CNNM2: variants seen among roughly 807,000 people sequenced by gnomAD.
CNNM2 encodes metal transporter CNNM2.
A neutral mutation model predicts 66.9 loss-of-function variants in CNNM2; 12 were observed. That is an observed-to-expected ratio of 0.18 (90% CI 0.11 to 0.29). The LOEUF (loss-of-function observed/expected upper bound fraction) is 0.29, where lower values mean the gene tolerates loss of function less well. Among genes scored for constraint, CNNM2 ranks in the 10% least tolerant of loss-of-function variants. The probability of loss-of-function intolerance (pLI) is 1.00; values close to 1 mark genes in which losing one functional copy is unlikely to be tolerated. For synonymous variants in CNNM2, 557 were observed against 501.8 expected (o/e 1.11, Z -1.47); for missense variants, 705 against 1,167.7 (o/e 0.60, Z 5.77).
intron 1 of CNNM2, among the ~76,000 whole-genome samples, chr10:102,998,588 A>G (rs765835364): frequency 7.9e-5 from 12 of 152,206 alleles, no homozygotes; most frequent in African/African-American, 2.9e-4. Flanking sequence ...CTTCGAAGGG[A>G]TAAGGTAAAC....
intron 1 of CNNM2, among the ~76,000 whole-genome samples, chr10:102,969,653 G>GT (rs2063520316): frequency 6.6e-6 from 1 of 151,986 alleles, no homozygotes; most frequent in Non-Finnish European, 1.5e-5. Flanking sequence ...TGTTTTGTTT[G>GT]TTTTCTTGAG....
rs1379315751 is a variant in CNNM2, at chr10:103,082,468, C to A, written c.*5288C>A. On this transcript the variant is annotated 3_prime_UTR_variant, in exon 8 of 8. Transcript: ENST00000369878. ...TCATTACTCCCCAAGTCTGAATCTA[C>A]TGTGAAGGTGAAGTTATCAATTTTT... 1 of 152,234 alleles carries A rather than the reference C, an allele frequency of 6.6e-6. No homozygotes were observed. Among genetic ancestry groups the A allele is most frequent in the Non-Finnish European group, 1.5e-5 (1 of 68,034 alleles). 9.4% of individuals were successfully genotyped at this position (152,234 alleles called of 1,614,324 possible). A position where few individuals can be genotyped will look rare whatever the true frequency, so the allele number is the denominator to read the frequency against.
intron 4 of CNNM2, among the ~76,000 whole-genome samples, chr10:103,059,409 A>G (rs1328439549): frequency 1.3e-5 from 2 of 152,274 alleles, no homozygotes; most frequent in South Asian, 2.1e-4. Context: ...AATTGTAAAT[A>G]GAAACACATC....
At chr10:102,956,156 C>T (rs1342609865) in intron 1 of CNNM2, among the ~76,000 whole-genome samples, 3 of 151,988 alleles carry the variant, frequency 2.0e-5, no homozygotes, top group Non-Finnish European at 2.9e-5. Context: ...GGCGTGGTGG[C>T]GGGCGCCTGT....
At position 103,054,291 on chromosome 10, in the gene CNNM2, C is replaced by T. The variant is rs758153202; in HGVS notation, c.1766-38C>T. 6.9e-6 allele frequency: 11 copies of T among 1,604,092 alleles called. No individual in the cohort carries two copies. In the East Asian group the frequency reaches 2.5e-4, roughly 36 times the overall value. ...AAAAGAGCCCTCATCTCATGGGATG[C>T]ATTTCTTTTTTTTTCTCTCTTTTAA... is the stretch of plus-strand genomic sequence containing the variant. On this transcript the variant is annotated intron_variant, in intron 2 of 7. Transcript: ENST00000369878. The surrounding 1 kb of genome is among the most constrained non-coding windows in gnomAD (Gnocchi z 5.2).
At chr10:103,029,914 A>G (rs2064791581) in intron 1 of CNNM2, among the ~76,000 whole-genome samples, 1 of 152,100 alleles carries the variant, frequency 6.6e-6, no homozygotes, top group African/African-American at 2.4e-5. Context: ...TTATTAATAC[A>G]GGGTAATAAG....
At chr10:103,052,636 C>T (rs983714591) in intron 2 of CNNM2, among the ~76,000 whole-genome samples, 4 of 151,942 alleles carry the variant, frequency 2.6e-5, no homozygotes. Context: ...GCCTCAGCCT[C>T]CTGAGTAGCT....
intron 1 of CNNM2, among the ~76,000 whole-genome samples, chr10:103,022,173 T>C (rs918313338): frequency 3.3e-5 from 5 of 152,238 alleles, no homozygotes; most frequent in Non-Finnish European, 5.9e-5. Context: ...TGGAACTTTT[T>C]CTTAGGGTTT....
intron 1 of CNNM2, among the ~76,000 whole-genome samples, chr10:102,953,166 A>G (rs1449607957): frequency 2.0e-5 from 3 of 152,234 alleles, no homozygotes; most frequent in Admixed American, 1.3e-4. Flanking sequence ...TTAAAAAATC[A>G]AAAGTGCTGG....
chr10:102,975,627 G>C (rs1162840589), intron 1 of CNNM2, among the ~76,000 whole-genome samples: 1 of 152,128 alleles, frequency 6.6e-6, no homozygotes, highest in Non-Finnish European at 1.5e-5. Context: ...AAATTGCCAA[G>C]TATGTCAAAA....
At chr10:102,944,084 CTT>C (rs199757273) in intron 1 of CNNM2, among the ~76,000 whole-genome samples, 17 of 135,236 alleles carry the variant, frequency 1.3e-4, no homozygotes, top group Non-Finnish European at 8.0e-5. Context: ...TTTCATAATT[CTT>C]TTTTTTTTTT....
chr10:102,927,561 A>AT, intron 1 of CNNM2: 1 of 1,117,554 alleles, frequency 8.9e-7, no homozygotes. Flanking sequence ...GGAGTTCCAG[A>AT]CTGACAGTCT....
chr10:103,076,207 G>A lies in CNNM2; in HGVS notation c.2355G>A (p.Ser785=), dbSNP rs189582508. 56 of 1,588,580 alleles carry A rather than the reference G, an allele frequency of 3.5e-5. No homozygotes were observed. In the South Asian group the frequency reaches 4.2e-4, roughly 12 times the overall value. The part of the protein sequence containing the change: ...LGSSNNQLNS[S]LLQVYIPDYS... ...GCAGCAATAACCAGCTCAATTCTTC[G>A]CTCCTCCAAGTCTACATCCCCGATT... The change falls in exon 7 of 8, where the codon TCG becomes TCA. Residue 785 remains serine (S), a synonymous_variant. Transcript: ENST00000369878.
intron 1 of CNNM2, among the ~76,000 whole-genome samples, chr10:102,997,882 A>G (rs1247531017): frequency 3.3e-5 from 5 of 152,194 alleles, no homozygotes; most frequent in African/African-American, 1.2e-4. Flanking sequence ...TAGCAACTCT[A>G]AACATTGCAA....
chr10:102,930,576 C>G (rs1370514991), intron 1 of CNNM2, among the ~76,000 whole-genome samples: 1 of 152,162 alleles, frequency 6.6e-6, no homozygotes, highest in Non-Finnish European at 1.5e-5. Flanking sequence ...TATCTTAAAA[C>G]TCACCCTTTT....
At chr10:102,942,220 C>T (rs557244508) in intron 1 of CNNM2, among the ~76,000 whole-genome samples, 2 of 152,260 alleles carry the variant, frequency 1.3e-5, no homozygotes, top group East Asian at 1.9e-4. Context: ...CTCAAGTATA[C>T]GATTCAGTAG....
At position 103,068,824 on chromosome 10, in the gene CNNM2, C is replaced by G; in HGVS notation, c.2167+102C>G. ...TGTATCTGCCAGCTGACCCCATTCA[C>G]TTCCTTTTTGAACTTTTTTTTTGAA... On this transcript the variant is annotated intron_variant, in intron 5 of 7. Coordinates refer to ENST00000369878, the MANE Select transcript of CNNM2 (RefSeq NM_017649.5). 3 of 935,716 alleles carry G rather than the reference C, an allele frequency of 3.2e-6. No homozygotes were observed. The South Asian group carries it at 5.2e-5, about 16-fold the overall frequency. The allele number at this position is 935,716 out of a possible 1,614,324, so 58.0% of individuals were successfully genotyped here. A position where few individuals can be genotyped will look rare whatever the true frequency, so the allele number is the denominator to read the frequency against.
intron 1 of CNNM2, among the ~76,000 whole-genome samples, chr10:102,934,694 G>A (rs566633323): frequency 1.2e-4 from 19 of 152,082 alleles, no homozygotes; most frequent in East Asian, 5.8e-4. Context: ...AAATGTTTTC[G>A]TAAACCAGGT....
chr10:103,072,485 G>GGCAGGCGACCCCGCTTCTCCCCA (rs2065604953), intron 6 of CNNM2, among the ~76,000 whole-genome samples: 1 of 145,434 alleles, frequency 6.9e-6, no homozygotes, highest in Admixed American at 6.7e-5. Flanking sequence ...GCTTCTCCCC[G>GGCAGGCGACCCCGCTTCTCCCCA]CCACCAGGCA....
Sources: allele counts gnomAD v4.1 joint callset (sites outside exome capture counted in the v4.1 genomes callset), GRCh38; gene constraint gnomAD v4.1.1; non-coding constraint Gnocchi (gnomAD v3.1); transcripts MANE v1.5; gene names NCBI Gene and HGNC (gene_info 2026-07-23, HGNC 2026-07-21).